Variants in NEU3 observed in about 807,000 individuals in gnomAD.
The protein encoded by NEU3 is neuraminidase 3, also known as sialidase-3.
Under a neutral mutation model 11.4 loss-of-function variants are expected in NEU3, and 10 were observed. The observed-to-expected ratio is 0.88, with a 90% CI of 0.54 to 1.49. NEU3 has a LOEUF of 1.49. NEU3 is among the 40% of genes most tolerant of loss of function. The pLI is 0.00. For synonymous variants in NEU3, 212 were observed against 228.2 expected (o/e 0.93, Z 0.64); for missense variants, 529 against 581.8 (o/e 0.91, Z 0.93).
intron 1 of NEU3, chr11:74,990,229 A>G (rs950804843): frequency 8.0e-6 from 4 of 499,664 alleles, no homozygotes; most frequent in African/African-American, 2.0e-5. Context: ...TTTACAAGCA[A>G]GGAATCCAAG....
In NEU3 at chr11:74,997,903, C is replaced by A. The variant is rs956491625; in HGVS notation, c.306+3183C>A. 2.0e-5 allele frequency among the ~76,000 whole-genome samples: 3 copies of A among 151,992 alleles called. No individual in the cohort carries two copies. In the East Asian group the frequency reaches 5.8e-4, roughly 29 times the overall value. On this transcript the variant is annotated intron_variant, in intron 2 of 2. Coordinates refer to ENST00000294064, the MANE Select transcript of NEU3 (RefSeq NM_006656.6). ...CTTTTTCTTTGCATTTACAGCTTGG[C>A]TGTTTGGCACAAGAGGCCTAGCTAT...
At chr11:74,996,520 A>C (rs1269807881) in intron 2 of NEU3, among the ~76,000 whole-genome samples, 1 of 152,182 alleles carries the variant, frequency 6.6e-6, no homozygotes, top group Non-Finnish European at 1.5e-5. Context: ...TATTTCCACC[A>C]TATCTGCAGT....
At chr11:75,003,141 T>C (rs1948862837) in intron 2 of NEU3, among the ~76,000 whole-genome samples, 1 of 152,218 alleles carries the variant, frequency 6.6e-6, no homozygotes, top group Non-Finnish European at 1.5e-5. Flanking sequence ...ACCAGTTTTC[T>C]AGAGTGATGG....
chr11:75,014,455 T>C (rs1044351230), downstream of NEU3, among the ~76,000 whole-genome samples: 1 of 152,198 alleles, frequency 6.6e-6, no homozygotes, highest in Admixed American at 6.6e-5. Context: ...AATGTGGATG[T>C]TCCTTCACAC....
chr11:74,982,467 T>C, the NEU3 span, among the ~76,000 whole-genome samples: 2 of 152,236 alleles, frequency 1.3e-5, no homozygotes, highest in East Asian at 1.9e-4. Flanking sequence ...TCAGCGTTCC[T>C]GGCAGATTGC....
At chr11:75,001,999 AC>A (rs1948849129) in intron 2 of NEU3, among the ~76,000 whole-genome samples, 1 of 151,780 alleles carries the variant, frequency 6.6e-6, no homozygotes, top group Non-Finnish European at 1.5e-5. Flanking sequence ...CTGCGAGGGG[AC>A]TCTTCCGTGG....
At chr11:74,995,903 C>G (rs1185458584) in intron 2 of NEU3, among the ~76,000 whole-genome samples, 1 of 151,998 alleles carries the variant, frequency 6.6e-6, no homozygotes, top group Non-Finnish European at 1.5e-5. Context: ...CCTGTAATCC[C>G]AGAACTTTGC....
upstream of NEU3, among the ~76,000 whole-genome samples, chr11:74,986,128 T>G (rs1049687922): frequency 2.1e-4 from 32 of 152,328 alleles, no homozygotes; most frequent in Admixed American, 1.6e-3. Context: ...TGTTCAATAT[T>G]TTGTTTGTGA....
chr11:74,981,442 A>G, the NEU3 span, among the ~76,000 whole-genome samples: 1 of 152,182 alleles, frequency 6.6e-6, no homozygotes, highest in Non-Finnish European at 1.5e-5. Context: ...CTACCTTGAA[A>G]TGAGCAAATT....
chr11:74,994,318 T>C (rs1162434049), intron 1 of NEU3, among the ~76,000 whole-genome samples, 191 bp from the exon 2 acceptor site: 1 of 152,248 alleles, frequency 6.6e-6, no homozygotes. Context: ...GAAATTCTCA[T>C]TTGTTAAACA....
chr11:74,989,993 C>T (rs1439090049), intron 1 of NEU3: 1 of 702,478 alleles, frequency 1.4e-6, no homozygotes, highest in Non-Finnish European at 2.6e-6. Context: ...TTTTGGGTGG[C>T]AATGCCAGAA....
chr11:75,001,632 C>T (rs541411912), intron 2 of NEU3, among the ~76,000 whole-genome samples: 4 of 152,268 alleles, frequency 2.6e-5, no homozygotes, highest in Admixed American at 2.6e-4. Context: ...TAAGCCACAA[C>T]CTGTTTTATC....
intron 2 of NEU3, among the ~76,000 whole-genome samples, chr11:75,002,200 A>T (rs921714842): frequency 1.3e-5 from 2 of 152,150 alleles, no homozygotes; most frequent in African/African-American, 4.8e-5. Flanking sequence ...TGTAAAAATT[A>T]TCTAGACCCA....
chr11:74,985,862 T>G (rs373594579), upstream of NEU3, among the ~76,000 whole-genome samples: 22 of 152,332 alleles, frequency 1.4e-4, no homozygotes, highest in African/African-American at 5.3e-4. Context: ...GTGGGCACCA[T>G]CTGCCTAGCA....
At chr11:74,984,296 A>G (rs1370908067), upstream of NEU3, among the ~76,000 whole-genome samples, 1 of 152,204 alleles carries the variant, frequency 6.6e-6, no homozygotes, top group Non-Finnish European at 1.5e-5. Context: ...CAAAGGGCGC[A>G]CATGCTCACT....
chr11:75,001,262 GTTTTTC>G (rs1190258119), intron 2 of NEU3, among the ~76,000 whole-genome samples: 2 of 142,676 alleles, frequency 1.4e-5, no homozygotes, highest in African/African-American at 2.6e-5. Flanking sequence ...GTTTGTTCTT[GTTTTTC>G]TTTTTCTTTT....
upstream of NEU3, among the ~76,000 whole-genome samples, chr11:74,985,383 T>C (rs1179557331): frequency 6.6e-6 from 1 of 152,334 alleles, no homozygotes; most frequent in Non-Finnish European, 1.5e-5. Context: ...GTGTTTATTA[T>C]TCGTAAGCAT....
At chr11:75,011,724 A>G, downstream of NEU3, among the ~76,000 whole-genome samples, 1 of 124,082 alleles carries the variant, frequency 8.1e-6, no homozygotes, top group East Asian at 2.0e-4. Context: ...CTATATATGT[A>G]GCTTGCAACC....
chr11:74,999,602 A>G (rs1408733619), intron 2 of NEU3, among the ~76,000 whole-genome samples: 1 of 152,140 alleles, frequency 6.6e-6, no homozygotes, highest in Non-Finnish European at 1.5e-5. Flanking sequence ...TCTCTGTTTC[A>G]TCAGCTGCAA....
Sources: gnomAD v4.1 joint callset for allele counts (sites outside exome capture counted in the v4.1 genomes callset) on GRCh38, gnomAD v4.1.1 for gene constraint, MANE v1.5 for transcripts, NCBI Gene and HGNC (gene_info 2026-07-23, HGNC 2026-07-21) for gene names.